The following PMCH variants were observed in gnomAD, a reference collection of about 807,000 sequenced individuals.
PMCH encodes pro-MCH.
Under a neutral mutation model 15.9 loss-of-function variants are expected in PMCH, and 8 were observed. The observed-to-expected ratio is 0.50, with a 90% CI of 0.29 to 0.91. The LOEUF (loss-of-function observed/expected upper bound fraction) is 0.91, where lower values mean the gene tolerates loss of function less well. PMCH is among the 40% of genes least tolerant of loss of function. PMCH has a pLI of 0.07. For synonymous variants in PMCH, 73 were observed against 63.8 expected (o/e 1.14, Z -0.69); for missense variants, 169 against 185.7 (o/e 0.91, Z 0.52).
In PMCH at chr12:102,196,644, A is replaced by G. The variant is rs1453776082; in HGVS notation, c.*8T>C. ...TTCTTCTGAAAAGATGATGTGGACC[A>G]ACAGGTATCAGACTTGCCAACAAGG... On this transcript the variant is annotated 3_prime_UTR_variant, in exon 3 of 3. Transcript: ENST00000329406. 6.2e-6 allele frequency: 10 copies of G among 1,601,720 alleles called. No individual in the cohort carries two copies. The highest frequency in any genetic ancestry group is 8.6e-6 in the Non-Finnish European group (10 of 1,169,178).
Position 102,196,711 on chromosome 12 carries a change from G to A in PMCH, c.449-10C>T, listed in dbSNP as rs754440818. Reference sequence around the variant, plus strand: ...AGCATACATCTGAGCACTGAAGGAAGAAGAAAGTTTAAATTGTTTAAAGGA... The same window carrying A: ...AGCATACATCTGAGCACTGAAGGAAAAAGAAAGTTTAAATTGTTTAAAGGA... On this transcript the variant is annotated splice_polypyrimidine_tract_variant and intron_variant, in intron 2 of 2. Transcript: ENST00000329406. The A allele has an allele frequency of 2.5e-6, 4 of 1,603,218 alleles. No homozygotes were observed. In the South Asian group the frequency reaches 4.4e-5, roughly 18 times the overall value.
rs1891349889 is a variant in PMCH at position 102,196,794 on chromosome 12, T to A, written c.449-93A>T. On this transcript the variant is annotated intron_variant, in intron 2 of 2. Coordinates refer to ENST00000329406, the MANE Select transcript of PMCH (RefSeq NM_002674.4). ...AAAGAATGGATCTAGTATAACTAAT[T>A]CTGAGTAAACCAAAATGATAATAAT... The A allele has an allele frequency of 2.6e-6, 3 of 1,155,660 alleles. No individual in the cohort carries two copies. The Admixed American group carries it at 5.7e-5, about 22-fold the overall frequency. The allele number at this position is 1,155,660 out of a possible 1,614,324, so 71.6% of individuals were successfully genotyped here. A position where few individuals can be genotyped will look rare whatever the true frequency, so the allele number is the denominator to read the frequency against.
Position 102,197,762 on chromosome 12 carries a change from T to C in PMCH, c.9A>G (p.Lys3=), listed in dbSNP as rs1349982162. The change falls in exon 1 of 3, where the codon AAA becomes AAG. Residue 3 remains lysine (K), a synonymous_variant. Coordinates refer to ENST00000329406, the MANE Select transcript of PMCH (RefSeq NM_002674.4). MA[K]MNLSSYILIL... is the part of the protein sequence containing the mutation. The stretch of plus-strand genomic sequence containing the variant: ...TTAATATATAGGAAGAGAGATTCAT[T>C]TTTGCCATTCTTAGTTTGATGTTTG... 1 of 1,578,338 alleles carries C rather than the reference T, an allele frequency of 6.3e-7. No homozygotes were observed.
Position 102,197,640 on chromosome 12 carries a change from A to C in PMCH, c.131T>G (p.Leu44Trp). 6.2e-7 allele frequency: 1 copy of C among 1,612,304 alleles called. No individual in the cohort carries two copies. The highest frequency in any genetic ancestry group is 8.5e-7 in the Non-Finnish European group (1 of 1,178,816). Residue 44 changes from leucine (L) to tryptophan (W), a missense_variant, in exon 1 of 3, where the codon TTG (leucine) becomes TGG (tryptophan). Transcript: ENST00000329406. ...DDDMVFNTFRLGKGFQKEDTA... is the reference protein window; with the variant it reads ...DDDMVFNTFRWGKGFQKEDTA... ...GTCTTCCTTCTGAAAGCCTTTCCCCAACCTGAATGTATTAAATACCATGTC... is the reference window on the plus strand; with the variant it reads ...GTCTTCCTTCTGAAAGCCTTTCCCCCACCTGAATGTATTAAATACCATGTC...
chr12:102,197,791 A>C lies in PMCH; in HGVS notation c.-21T>G. 1 of 1,523,566 alleles carries C rather than the reference A, an allele frequency of 6.6e-7. No homozygotes were observed. The highest frequency in any genetic ancestry group is 1.3e-5 in the South Asian group (1 of 77,872). The allele number at this position is 1,523,566 out of a possible 1,614,324, so 94.4% of individuals were successfully genotyped here. On this transcript the variant is annotated 5_prime_UTR_variant, in exon 1 of 3. Coordinates refer to ENST00000329406, the MANE Select transcript of PMCH (RefSeq NM_002674.4). Reference sequence around the variant, plus strand: ...GCCATTCTTAGTTTGATGTTTGCATACAGTCAAACAAGAAAGAAAATGAAA... The same window carrying C: ...GCCATTCTTAGTTTGATGTTTGCATCCAGTCAAACAAGAAAGAAAATGAAA...
chr12:102,197,271 G>T, intron 1 of PMCH, 100 bp from the exon 2 acceptor site: 5 of 1,045,094 alleles, frequency 4.8e-6, no homozygotes, highest in Non-Finnish European at 6.9e-6. Context: ...AAGTTACTCT[G>T]CACTGTTTTT....
At position 102,197,167 on chromosome 12, in the gene PMCH, G is replaced by C; in HGVS notation, c.254C>G (p.Thr85Arg). The change falls in exon 2 of 3, where the codon ACA becomes AGA. Residue 85 changes from threonine to arginine, a missense_variant. By Grantham distance (71) the Thr-to-Arg change is moderately conservative. Transcript: ENST00000329406. ...NEEENKVSKN[T>R]GSKHNFLNHG... ...ATTTAAGAAATTATGTTTGGAGCCT[G>C]TGTTCTGTAAAGAGAAGGTTGATTT... is the stretch of plus-strand genomic sequence containing the variant. The C allele has an allele frequency of 6.2e-7, 1 of 1,610,560 alleles. No homozygotes were observed. The highest frequency in any genetic ancestry group is 8.5e-7 in the Non-Finnish European group (1 of 1,177,530).
rs771659694 is a variant in PMCH, at chr12:102,197,504, A to G, written c.249+18T>C. 1.9e-6 allele frequency: 3 copies of G among 1,580,562 alleles called. No homozygotes were observed. The South Asian group carries it at 3.5e-5, about 18-fold the overall frequency. On this transcript the variant is annotated intron_variant, in intron 1 of 2. Transcript: ENST00000329406. ...TAAATTTTCATTGAAATAAACGACA[A>G]GTCACATTGCCACTTACCTTTGAAA... is the stretch of plus-strand genomic sequence containing the variant.
rs546386526 is a variant in PMCH at position 102,197,538 on chromosome 12, T to G, written c.233A>C (p.Glu78Ala). The change falls in exon 1 of 3, where the codon GAA becomes GCA. Residue 78 changes from glutamate (E) to alanine (A), a missense_variant. Coordinates refer to ENST00000329406, the MANE Select transcript of PMCH (RefSeq NM_002674.4). ...GCCACTTACCTTTGAAACTTTATTTTCCTCTTCGTTCATGAAACTGCTCTC... is the reference window on the plus strand; with the variant it reads ...GCCACTTACCTTTGAAACTTTATTTGCCTCTTCGTTCATGAAACTGCTCTC... ...NDESSFMNEEENKVSKNTGSK... is the reference protein window; with the variant it reads ...NDESSFMNEEANKVSKNTGSK... The G allele has an allele frequency of 2.5e-4, 407 of 1,605,942 alleles. 4 individuals are homozygous for G. The South Asian group carries it at 4.2e-3, about 17-fold the overall frequency.
chr12:102,197,678 T>C lies in PMCH; in HGVS notation c.93A>G (p.Arg31=). The change falls in exon 1 of 3, where the codon AGA becomes AGG. Residue 31 remains arginine, a synonymous_variant. Transcript: ENST00000329406. ...TAAATACCATGTCATCATCTAAATT[T>C]CTTATGGACTTGGATGCTGAAAGTA... The part of the protein sequence containing the change: ...GILLSASKSI[R]NLDDDMVFNT... 1 of 1,611,478 alleles carries C rather than the reference T, an allele frequency of 6.2e-7. No homozygotes were observed. Among genetic ancestry groups the C allele is most frequent in the Non-Finnish European group, 8.5e-7 (1 of 1,178,206 alleles).
chr12:102,197,759 C>T lies in PMCH; in HGVS notation c.12G>A (p.Met4Ile). 1 of 1,577,266 alleles carries T rather than the reference C, an allele frequency of 6.3e-7. No individual in the cohort carries two copies. Among genetic ancestry groups the T allele is most frequent in the South Asian group, 1.2e-5 (1 of 84,622 alleles). The part of the protein sequence containing the change: MAK[M>I]NLSSYILILT... ...GTATTAATATATAGGAAGAGAGATTCATTTTTGCCATTCTTAGTTTGATGT... is the reference window on the plus strand; with the variant it reads ...GTATTAATATATAGGAAGAGAGATTTATTTTTGCCATTCTTAGTTTGATGT... Residue 4 changes from methionine (M) to isoleucine (I), a missense_variant, in exon 1 of 3, where the codon ATG becomes ATA. Coordinates refer to ENST00000329406, the MANE Select transcript of PMCH (RefSeq NM_002674.4).
Position 102,197,200 on chromosome 12 carries a change from A to T in PMCH, c.250-29T>A. 2.0e-6 allele frequency: 3 copies of T among 1,537,856 alleles called. No homozygotes were observed. The African/African-American group carries it at 4.1e-5, about 21-fold the overall frequency. ...TAAAGAGAAGGTTGATTTGGTTTTT[A>T]GCTATCGTATTCGGAGTGGAACTAT... On this transcript the variant is annotated intron_variant, in intron 1 of 2. Transcript: ENST00000329406.
chr12:102,197,461 G>A, intron 1 of PMCH, 61 bp downstream of exon 1: 1 of 1,446,650 alleles, frequency 6.9e-7, no homozygotes, highest in South Asian at 1.3e-5. Flanking sequence ...ACTTTTCAGA[G>A]GATTTGTAAG....
Position 102,197,676 on chromosome 12 carries a change from TTTC to T in PMCH, c.92_94del (p.Arg31del), listed in dbSNP as rs1891434975. On this transcript the variant is annotated inframe_deletion, in exon 1 of 3. Coordinates refer to ENST00000329406, the MANE Select transcript of PMCH (RefSeq NM_002674.4). ...ATTAAATACCATGTCATCATCTAAATTTCTTATGGACTTGGATGCTGAAAGTAA... is the reference window on the plus strand; with the variant it reads ...ATTAAATACCATGTCATCATCTAAATTTATGGACTTGGATGCTGAAAGTAA... The T allele has an allele frequency of 6.2e-7, 1 of 1,611,720 alleles. No individual in the cohort carries two copies. The highest frequency in any genetic ancestry group is 1.3e-5 in the African/African-American group (1 of 74,802).
At position 102,197,321 on chromosome 12, in the gene PMCH, A is replaced by G. The variant is rs1022588215; in HGVS notation, c.250-150T>C. ...ACCTTAGATGCAAATTTATAGGAGA[A>G]AAAACACTTTCAGATAAGAGGTGTT... On this transcript the variant is annotated intron_variant, in intron 1 of 2. Transcript: ENST00000329406. The G allele has an allele frequency of 7.2e-6, 6 of 837,550 alleles. No homozygotes were observed. In the African/African-American group the frequency reaches 1.0e-4, roughly 14 times the overall value. 51.9% of individuals were successfully genotyped at this position (837,550 alleles called of 1,614,324 possible).
chr12:102,197,481 A>G, intron 1 of PMCH, 41 bp downstream of exon 1: 1 of 1,542,798 alleles, frequency 6.5e-7, no homozygotes, highest in Non-Finnish European at 8.7e-7. Flanking sequence ...GAATCATTTA[A>G]ATTTTCATTG....
At position 102,196,611 on chromosome 12, in the gene PMCH, CT is replaced by C. The variant is rs1565911223; in HGVS notation, c.*40del. 1 of 1,480,404 alleles carries C rather than the reference CT, an allele frequency of 6.8e-7. No homozygotes were observed. The highest frequency in any genetic ancestry group is 9.4e-7 in the Non-Finnish European group (1 of 1,059,078). 91.7% of individuals were successfully genotyped at this position (1,480,404 alleles called of 1,614,324 possible). On this transcript the variant is annotated 3_prime_UTR_variant, in exon 3 of 3. Coordinates refer to ENST00000329406, the MANE Select transcript of PMCH (RefSeq NM_002674.4). The stretch of plus-strand genomic sequence containing the variant: ...TTCTCCTCCCATTGGCAATTAAATG[CT>C]TTTATTTTCTTCTGAAAAGATGATG...
Position 102,197,663 on chromosome 12 carries a change from G to A in PMCH, c.108C>T (p.Asp36=). 1.2e-6 allele frequency: 2 copies of A among 1,611,864 alleles called. No homozygotes were observed. The highest frequency in any genetic ancestry group is 8.5e-7 in the Non-Finnish European group (1 of 1,178,558). The change falls in exon 1 of 3, where the codon GAC becomes GAT. Residue 36 remains aspartate, a synonymous_variant. Transcript: ENST00000329406. ...CCAACCTGAATGTATTAAATACCAT[G>A]TCATCATCTAAATTTCTTATGGACT... ...ASKSIRNLDD[D]MVFNTFRLGK... is the part of the protein sequence containing the mutation.
rs765629077 is a variant in PMCH, at chr12:102,197,043, T to TG, written c.377dup (p.Gln127ThrfsTer9). On this transcript the variant is annotated frameshift_variant, in exon 2 of 3. Transcript: ENST00000329406. LOFTEE classifies it high-confidence loss of function. The stretch of plus-strand genomic sequence containing the variant: ...CATCCCCAATTTCTCTCTTTTCTTG[T>TG]GTTGATTCAGTATTCTGAACTCCAT... The TG allele has an allele frequency of 6.2e-7, 1 of 1,612,252 alleles. No homozygotes were observed. Among genetic ancestry groups the TG allele is most frequent in the East Asian group, 2.2e-5 (1 of 44,774 alleles).
Sources: allele counts gnomAD v4.1 joint callset, GRCh38; gene constraint gnomAD v4.1.1; transcripts MANE v1.5; gene names NCBI Gene and HGNC (gene_info 2026-07-23, HGNC 2026-07-21).